Variants in UBR2 observed in about 807,000 individuals in gnomAD.
UBR2 encodes the protein ubiquitin protein ligase E3 component n-recognin 2, also known as E3 ubiquitin-protein ligase UBR2.
In UBR2, 92 loss-of-function variants were observed where a neutral mutation model predicts 247.9. The ratio of observed to expected loss-of-function variants is 0.37; its 90% CI spans 0.31 to 0.44. UBR2 has a LOEUF of 0.44. Ranked by LOEUF, UBR2 falls within the 20% of genes least tolerant of loss-of-function variation. UBR2 has a pLI of 1.00. For synonymous variants in UBR2, 672 were observed against 693.5 expected (o/e 0.97, Z 0.49); for missense variants, 1,613 against 2,112.6 (o/e 0.76, Z 4.64).
chr6:42,602,106 T>C (rs1003773849), intron 4 of UBR2, among the ~76,000 whole-genome samples: 2 of 152,018 alleles, frequency 1.3e-5, no homozygotes, highest in Non-Finnish European at 2.9e-5. Flanking sequence ...TGACCTCAGA[T>C]GATCCATCCA....
In UBR2 at chr6:42,614,416, GTACGTACATATA is replaced by G. The variant is rs1794389746; in HGVS notation, c.986-652_986-641del. Among the ~76,000 whole-genome samples the G allele has an allele frequency of 1.2e-4, 5 of 43,030 alleles. 1 individual carries two copies. Among genetic ancestry groups the G allele is most frequent in the African/African-American group, 3.1e-4 (4 of 13,094 alleles). 28.2% of individuals were successfully genotyped at this position (43,030 alleles called of 152,430 possible). On this transcript the variant is annotated intron_variant, in intron 8 of 46. Transcript: ENST00000372901. ...CGTACATACATACGTATGTATGTAC[GTACGTACATATA>G]TATGTATGTACGTACATATATATGT...
At chr6:42,614,785 G>A (rs1001288605) in intron 8 of UBR2, among the ~76,000 whole-genome samples, 1 of 150,102 alleles carries the variant, frequency 6.7e-6, no homozygotes, top group South Asian at 2.1e-4. Context: ...TGGTTTTTTG[G>A]ATGTTTTTCT....
intron 1 of UBR2, among the ~76,000 whole-genome samples, chr6:42,573,227 T>C (rs1238673802): frequency 6.6e-6 from 1 of 152,220 alleles, no homozygotes; most frequent in Non-Finnish European, 1.5e-5. Flanking sequence ...GACTGACTTA[T>C]TCAATAAGAG....
Position 42,594,039 on chromosome 6 carries a change from T to A in UBR2, c.418-152T>A, listed in dbSNP as rs140196346. 8 of 506,912 alleles carry A rather than the reference T, an allele frequency of 1.6e-5. No homozygotes were observed. The East Asian group carries it at 2.4e-4, about 16-fold the overall frequency. 31.4% of individuals were successfully genotyped at this position (506,912 alleles called of 1,614,324 possible). On this transcript the variant is annotated intron_variant, in intron 3 of 46. Transcript: ENST00000372901. ...CTTATTTAAAATAAACTTTAAAACA[T>A]TGAGAGGTTTGGCATTTTATCTAAT... is the stretch of plus-strand genomic sequence containing the variant.
At chr6:42,648,285 C>A in intron 22 of UBR2, 115 bp downstream of exon 22, 1 of 829,832 alleles carries the variant, frequency 1.2e-6, no homozygotes, top group Non-Finnish European at 2.0e-6. Context: ...CAGAGATTGA[C>A]AGACATTTTC....
chr6:42,649,695 T>A (rs1317998625), intron 22 of UBR2, among the ~76,000 whole-genome samples: 1 of 152,198 alleles, frequency 6.6e-6, no homozygotes, highest in Non-Finnish European at 1.5e-5. Flanking sequence ...TTTTCATACT[T>A]TAATGCATTT....
intron 7 of UBR2, among the ~76,000 whole-genome samples, chr6:42,608,449 G>A (rs926667274): frequency 5.3e-5 from 8 of 152,024 alleles, no homozygotes; most frequent in Non-Finnish European, 1.2e-4. Flanking sequence ...AACAGAGCAA[G>A]ACCCCGACTC....
intron 25 of UBR2, 48 bp from the exon 26 acceptor site, chr6:42,655,573 A>G: frequency 9.4e-7 from 1 of 1,062,482 alleles, no homozygotes; most frequent in Non-Finnish European, 1.4e-6. Flanking sequence ...TAAAATATGT[A>G]CTTGATTTTT....
At chr6:42,656,718 A>C (rs1797459674) in intron 26 of UBR2, among the ~76,000 whole-genome samples, 1 of 152,202 alleles carries the variant, frequency 6.6e-6, no homozygotes, top group African/African-American at 2.4e-5. Context: ...CTAGATCTCT[A>C]GTTTTCCTTT....
At chr6:42,597,690 G>A (rs1732047326) in intron 4 of UBR2, among the ~76,000 whole-genome samples, 1 of 151,880 alleles carries the variant, frequency 6.6e-6, no homozygotes, top group Admixed American at 6.6e-5. Flanking sequence ...GAGGCAGGCA[G>A]ATCACCTGAG....
intron 8 of UBR2, among the ~76,000 whole-genome samples, chr6:42,614,346 A>G (rs559021924): frequency 8.1e-4 from 50 of 62,052 alleles, no homozygotes; most frequent in African/African-American, 2.2e-3. Context: ...GTATGTGTGT[A>G]TGTATGTGTG....
chr6:42,655,488 A>G (rs1797392524), intron 25 of UBR2, 133 bp from the exon 26 acceptor site: 1 of 547,480 alleles, frequency 1.8e-6, no homozygotes, highest in Non-Finnish European at 3.1e-6. Flanking sequence ...TAGTACTTCA[A>G]ATTGTTTTTA....
chr6:42,684,875 A>G lies in UBR2; in HGVS notation c.4853+4A>G. ...TTAATCAAGCATCCAATTTCTCGTA[A>G]GTTTTGCTGTTAGCATTGAACATTC... is the stretch of plus-strand genomic sequence containing the variant. On this transcript the variant is annotated splice_donor_region_variant and intron_variant, in intron 44 of 46. Transcript: ENST00000372901. 6.2e-7 allele frequency: 1 copy of G among 1,610,838 alleles called. No homozygotes were observed.
chr6:42,605,980 C>T, intron 6 of UBR2, 121 bp downstream of exon 6: 1 of 941,922 alleles, frequency 1.1e-6, no homozygotes, highest in South Asian at 2.0e-5. Flanking sequence ...TTTCATTTGT[C>T]ATGCCTGTAA....
At chr6:42,683,019 G>A (rs921437361) in intron 42 of UBR2, 36 bp from the exon 43 acceptor site, 34 of 1,502,892 alleles carry the variant, frequency 2.3e-5, no homozygotes, top group Non-Finnish European at 2.8e-5. Context: ...CCCTTTAAAA[G>A]TGTTTTGTGT....
At chr6:42,643,843 T>C (rs377168955) in intron 18 of UBR2, among the ~76,000 whole-genome samples, 2 of 152,288 alleles carry the variant, frequency 1.3e-5, no homozygotes. Context: ...ATACCACATT[T>C]CCAAGTCCAA....
chr6:42,617,334 C>T (rs986111784), intron 10 of UBR2, 75 bp from the exon 11 acceptor site: 1 of 1,614,084 alleles, frequency 6.2e-7, no homozygotes. Context: ...ACCGCACCTA[C>T]TCTGGTGAGT....
intron 2 of UBR2, among the ~76,000 whole-genome samples, chr6:42,576,598 C>T (rs1253608241): frequency 7.0e-6 from 1 of 143,372 alleles, no homozygotes; most frequent in Non-Finnish European, 1.5e-5. Flanking sequence ...GGCATAATCT[C>T]GGCTCACTGC....
chr6:42,638,728 G>A (rs1056579241), intron 15 of UBR2, among the ~76,000 whole-genome samples: 7 of 151,758 alleles, frequency 4.6e-5, no homozygotes, highest in African/African-American at 9.7e-5. Flanking sequence ...CAGGCGCAGC[G>A]TGGCATGCCC....
Sources: allele counts gnomAD v4.1 joint callset (sites outside exome capture counted in the v4.1 genomes callset), GRCh38; gene constraint gnomAD v4.1.1; transcripts MANE v1.5; gene names NCBI Gene and HGNC (gene_info 2026-07-23, HGNC 2026-07-21).